VWA3A: variants seen among roughly 807,000 people sequenced by gnomAD.
VWA3A encodes von Willebrand factor A domain-containing protein 3A.
VWA3A carries 134 observed loss-of-function variants against 160.4 expected under a neutral mutation model. The ratio of observed to expected loss-of-function variants is 0.84; its 90% CI spans 0.73 to 0.96. The LOEUF (loss-of-function observed/expected upper bound fraction) is 0.96. Among genes scored for constraint, VWA3A ranks in the 40% least tolerant of loss-of-function variants. The pLI is 0.00. For synonymous variants in VWA3A, 476 were observed against 543.4 expected (o/e 0.88, Z 1.72); for missense variants, 1,310 against 1,447.9 (o/e 0.90, Z 1.55).
At chr16:22,135,590 A>C (rs2046025490) in intron 21 of VWA3A, among the ~76,000 whole-genome samples, 1 of 152,006 alleles carries the variant, frequency 6.6e-6, no homozygotes, top group Admixed American at 6.6e-5. Context: ...CTTCAGAAGA[A>C]ATGAGTGTCT....
intron 25 of VWA3A, among the ~76,000 whole-genome samples, chr16:22,143,132 A>G (rs1170581243): frequency 2.0e-5 from 3 of 146,490 alleles, no homozygotes; most frequent in Non-Finnish European, 3.0e-5. Context: ...CCTGGGTGAC[A>G]GAGCAAGACT....
At chr16:22,115,272 T>A (rs1028539042) in intron 8 of VWA3A, 75 bp from the exon 9 acceptor site, 1 of 1,460,508 alleles carries the variant, frequency 6.8e-7, no homozygotes, top group Non-Finnish European at 9.1e-7. Flanking sequence ...CAAGCCCTTA[T>A]CTCTAAAAAG....
chr16:22,097,036 G>T, intron 2 of VWA3A, 91 bp downstream of exon 2: 1 of 817,546 alleles, frequency 1.2e-6, no homozygotes, highest in Non-Finnish European at 1.9e-6. Context: ...CACAATCTAG[G>T]CTCACTGCAA....
chr16:22,112,120 G>A (rs1196403721), intron 8 of VWA3A, among the ~76,000 whole-genome samples: 3 of 152,104 alleles, frequency 2.0e-5, no homozygotes, highest in Admixed American at 6.6e-5. Context: ...TTCTACTGCA[G>A]GGATGTCTTT....
chr16:22,151,295 G>T (rs1429387687), intron 30 of VWA3A, among the ~76,000 whole-genome samples: 1 of 150,950 alleles, frequency 6.6e-6, no homozygotes, highest in East Asian at 1.9e-4. Flanking sequence ...AAAAAAGAAA[G>T]AAAAGAAAGA....
chr16:22,120,913 G>A (rs2045721930), intron 12 of VWA3A, 55 bp from the exon 13 acceptor site: 1 of 1,602,738 alleles, frequency 6.2e-7, no homozygotes, highest in African/African-American at 1.3e-5. Context: ...GAAGACTGAG[G>A]ACTTTTCAGC....
chr16:22,105,146 G>A (rs1165306688), intron 6 of VWA3A, among the ~76,000 whole-genome samples: 14 of 152,132 alleles, frequency 9.2e-5, no homozygotes, highest in Non-Finnish European at 1.0e-4. Flanking sequence ...AACAGGCAGA[G>A]AGACCCCACG....
chr16:22,103,172 T>C (rs2045432000), intron 5 of VWA3A, among the ~76,000 whole-genome samples: 1 of 152,140 alleles, frequency 6.6e-6, no homozygotes, highest in African/African-American at 2.4e-5. Flanking sequence ...TAGCTGGGAC[T>C]ACAGGCATGC....
chr16:22,109,914 G>T (rs992202487), intron 7 of VWA3A, among the ~76,000 whole-genome samples: 1 of 152,206 alleles, frequency 6.6e-6, no homozygotes, highest in Admixed American at 6.5e-5. Context: ...GCCTTTTCTG[G>T]ATGGAAGAGC....
At chr16:22,136,631 C>T (rs1182554348) in intron 21 of VWA3A, among the ~76,000 whole-genome samples, 2 of 152,016 alleles carry the variant, frequency 1.3e-5, no homozygotes, top group Non-Finnish European at 2.9e-5. Flanking sequence ...AGGGCAGGGC[C>T]ACGTCTCCAT....
Position 22,123,691 on chromosome 16 carries a change from AC to A in VWA3A, c.1517del (p.Thr506LysfsTer61), listed in dbSNP as rs777914921. The A allele has an allele frequency of 6.2e-7, 1 of 1,613,860 alleles. No individual in the cohort carries two copies. Among genetic ancestry groups the A allele is most frequent in the Non-Finnish European group, 8.5e-7 (1 of 1,179,826 alleles). ...LSLASRRIWG[T>X]VCEKRVVVLL... ...CCTGGCCAGCAGAAGAATCTGGGGC[AC>A]AGTCTGTGAAAAAAGGTACCTTTCT... On this transcript the variant is annotated frameshift_variant, in exon 16 of 34. Coordinates refer to ENST00000389398, the MANE Select transcript of VWA3A (RefSeq NM_173615.5). LOFTEE classifies it high-confidence loss of function.
chr16:22,131,476 G>T, intron 18 of VWA3A, 109 bp from the exon 19 acceptor site: 1 of 1,521,950 alleles, frequency 6.6e-7, no homozygotes, highest in South Asian at 1.3e-5. Flanking sequence ...TGAGAGTGAT[G>T]ACATCGACTC....
At chr16:22,116,158 G>GAAGA (rs1259018318) in intron 9 of VWA3A, among the ~76,000 whole-genome samples, 1 of 145,222 alleles carries the variant, frequency 6.9e-6, no homozygotes, top group Admixed American at 6.9e-5. Context: ...AAATAAAAAG[G>GAAGA]AAGAAAGAAA....
At chr16:22,101,634 TA>T (rs774023544) in intron 5 of VWA3A, among the ~76,000 whole-genome samples, 41 of 152,220 alleles carry the variant, frequency 2.7e-4, no homozygotes, top group Non-Finnish European at 4.7e-4. Context: ...TTTCCCCTTA[TA>T]AAACCATCAC....
intron 3 of VWA3A, among the ~76,000 whole-genome samples, chr16:22,098,578 G>T (rs1010005610): frequency 2.0e-5 from 3 of 152,172 alleles, no homozygotes; most frequent in Non-Finnish European, 2.9e-5. Context: ...CTGAAGGAAA[G>T]AGGGAAAGGA....
chr16:22,136,785 C>T (rs2046049256), intron 21 of VWA3A, among the ~76,000 whole-genome samples: 1 of 152,022 alleles, frequency 6.6e-6, no homozygotes, highest in Admixed American at 6.6e-5. Context: ...GTAATCCCAG[C>T]ATTTTGGGAG....
At position 22,143,397 on chromosome 16, in the gene VWA3A, A is replaced by G. The variant is rs146065229; in HGVS notation, c.2592+632A>G. 5.3e-5 allele frequency among the ~76,000 whole-genome samples: 8 copies of G among 152,310 alleles called. No homozygotes were observed. In the East Asian group the frequency reaches 9.7e-4, roughly 18 times the overall value. On this transcript the variant is annotated intron_variant, in intron 25 of 33. Transcript: ENST00000389398. ...AACAGAAATCCCACTTCTTGTGCAT[A>G]AGGGGATAGTTGTCCCACAGCTATT...
At chr16:22,134,137 A>T (rs1294023273) in intron 20 of VWA3A, among the ~76,000 whole-genome samples, 7 of 151,790 alleles carry the variant, frequency 4.6e-5, no homozygotes, top group Admixed American at 1.3e-4. Context: ...TTAATTTTTT[A>T]AATTTTTTTT....
chr16:22,131,376 A>C (rs1002338411), intron 18 of VWA3A, 97 bp downstream of exon 18: 8 of 1,482,168 alleles, frequency 5.4e-6, no homozygotes, highest in Non-Finnish European at 6.5e-6. Context: ...GTAGCTCTCT[A>C]GAGTCCCTGA....
Sources: gnomAD v4.1 joint callset for allele counts (sites outside exome capture counted in the v4.1 genomes callset) on GRCh38, gnomAD v4.1.1 for gene constraint, MANE v1.5 for transcripts, NCBI Gene and HGNC (gene_info 2026-07-23, HGNC 2026-07-21) for gene names.